Variants in FASN observed in about 807,000 individuals in gnomAD.
The protein encoded by FASN is 3-hydroxyacyl-[acyl-carrier-protein] dehydratase.
A neutral mutation model predicts 250.0 loss-of-function variants in FASN; 50 were observed. The ratio of observed to expected loss-of-function variants is 0.20; its 90% confidence interval spans 0.16 to 0.25. The LOEUF is 0.25. Ranked by LOEUF, FASN falls within the 10% of genes least tolerant of loss-of-function variation. The pLI, the probability that FASN is intolerant of heterozygous loss-of-function variation, is 1.00. For synonymous variants in FASN, 1,909 were observed against 1,584.0 expected (o/e 1.21, Z -4.87); for missense variants, 3,031 against 3,498.5 (o/e 0.87, Z 3.37).
Position 82,088,538 on chromosome 17 carries a change from C to T in FASN, c.2445G>A (p.Leu815=). 8.7e-6 allele frequency: 14 copies of T among 1,607,020 alleles called. No individual in the cohort carries two copies. Among genetic ancestry groups the T allele is most frequent in the Non-Finnish European group, 1.2e-5 (14 of 1,176,028 alleles). ...GAGCTGGGAACTCCACAGGTGGGAA[C>T]AAGGCATTGGGGTTGGCGTCGATGC... ...LSGIDANPNA[L]FPPVEFPAPR... is the part of the protein sequence containing the mutation. Residue 815 remains leucine, a synonymous_variant, in exon 16 of 43, where the codon TTG becomes TTA. Coordinates refer to ENST00000306749, the MANE Select transcript of FASN (RefSeq NM_004104.5).
chr17:82,090,753 C>T, intron 10 of FASN, 129 bp downstream of exon 10: 1 of 1,187,588 alleles, frequency 8.4e-7, no homozygotes, highest in African/African-American at 1.5e-5. Context: ...CGTCCTGCCC[C>T]CAGCACAAGG....
rs1380789811 is a variant in FASN at position 82,088,785 on chromosome 17, C to A, written c.2396G>T (p.Gly799Val). 1.2e-6 allele frequency: 2 copies of A among 1,612,252 alleles called. No homozygotes were observed. Among genetic ancestry groups the A allele is most frequent in the Non-Finnish European group, 1.7e-6 (2 of 1,179,630 alleles). The stretch of plus-strand genomic sequence containing the variant: ...CCCTGAGAGGTGCAGCCTGCCGATG[C>A]CGGCCAGGAAGAACTCCAGGTTGTC... Reference protein sequence around the residue: ...HRDNLEFFLAGIGRLHLSGID... With the variant: ...HRDNLEFFLAVIGRLHLSGID... Residue 799 changes from glycine (G) to valine (V), a missense_variant, in exon 15 of 43, where the codon GGC (glycine) becomes GTC (valine). Coordinates refer to ENST00000306749, the MANE Select transcript of FASN (RefSeq NM_004104.5).
chr17:82,087,439 A>C lies in FASN; in HGVS notation c.3109T>G (p.Ser1037Ala). ...CCGTGCTTGGCCGAGCCCAGGATGG[A>C]CATCTGCAGCATGGTGTCCATGAAG... is the stretch of plus-strand genomic sequence containing the variant. ...VSFMDTMLQMSILGSAKHGLY... is the reference protein window; with the variant it reads ...VSFMDTMLQMAILGSAKHGLY... Residue 1037 changes from serine to alanine, a missense_variant, in exon 20 of 43, where the codon TCC becomes GCC. Ser to Ala is a moderately conservative substitution (Grantham distance 99). Transcript: ENST00000306749. 1.2e-6 allele frequency: 2 copies of C among 1,612,650 alleles called. No homozygotes were observed. Among genetic ancestry groups the C allele is most frequent in the Non-Finnish European group, 1.7e-6 (2 of 1,179,982 alleles).
chr17:82,080,637 G>A lies in FASN; in HGVS notation c.6827-47C>T, dbSNP rs770335065. 25 of 1,551,806 alleles carry A rather than the reference G, an allele frequency of 1.6e-5. No homozygotes were observed. In the Admixed American group the frequency reaches 3.5e-4, roughly 22 times the overall value. ...CTCAGCATGTGCAGGCGGCAGCCAC[G>A]GGCCCCGTGATGGCCAGCACTGACC... On this transcript the variant is annotated intron_variant, in intron 39 of 42. Transcript: ENST00000306749.
Position 82,081,861 on chromosome 17 carries a change from G to A in FASN, c.6164-18C>T. The A allele has an allele frequency of 1.9e-6, 3 of 1,590,904 alleles. No individual in the cohort carries two copies. The highest frequency in any genetic ancestry group is 2.6e-6 in the Non-Finnish European group (3 of 1,172,602). ...GGCCAGGCCTGTGGGGGAGGGGGCA[G>A]GTGGGCAGAGCTGCGGGGAGGTCGG... On this transcript the variant is annotated intron_variant, in intron 36 of 42. Coordinates refer to ENST00000306749, the MANE Select transcript of FASN (RefSeq NM_004104.5).
rs756471902 is a variant in FASN, at chr17:82,088,449, G to A, written c.2534C>T (p.Pro845Leu). Residue 845 changes from proline (P) to leucine (L), a missense_variant, in exon 16 of 43, where the codon CCG becomes CTG. Physicochemically the swap from Pro to Leu is moderately conservative, Grantham distance 98. Coordinates refer to ENST00000306749, the MANE Select transcript of FASN (RefSeq NM_004104.5). ...ACCGTTGGGGAAGTCCTCGGCGGCCGGCACGTCCCAGGCCAGGCTGTGGTC... is the reference window on the plus strand; with the variant it reads ...ACCGTTGGGGAAGTCCTCGGCGGCCAGCACGTCCCAGGCCAGGCTGTGGTC... ...KWDHSLAWDV[P>L]AAEDFPNGSG... The A allele has an allele frequency of 4.3e-6, 7 of 1,611,728 alleles. No homozygotes were observed. The highest frequency in any genetic ancestry group is 4.2e-6 in the Non-Finnish European group (5 of 1,179,190).
Position 82,085,621 on chromosome 17 carries a change from G to A in FASN, c.3983C>T (p.Ala1328Val), listed in dbSNP as rs771296327. The A allele has an allele frequency of 3.1e-6, 5 of 1,599,108 alleles. No homozygotes were observed. The highest frequency in any genetic ancestry group is 1.3e-5 in the African/African-American group (1 of 74,566). The change falls in exon 23 of 43, where the codon GCT becomes GTT. Residue 1328 changes from alanine to valine, a missense_variant. Physicochemically the swap from Ala to Val is moderately conservative, Grantham distance 64. Coordinates refer to ENST00000306749, the MANE Select transcript of FASN (RefSeq NM_004104.5). ...AVAALGDPASALSNMVAALRE... is the reference protein window; with the variant it reads ...AVAALGDPASVLSNMVAALRE... Reference sequence around the variant, plus strand: ...CAGGGCAGCCACCATGTTGCTGAGAGCTGAGGCCGGGTCCCCGAGGGCAGC... The same window carrying A: ...CAGGGCAGCCACCATGTTGCTGAGAACTGAGGCCGGGTCCCCGAGGGCAGC...
rs985222187 is a variant in FASN at position 82,087,867 on chromosome 17, G to A, written c.2867-6C>T. ...ATCCCACTGGTACACCTTCCCTGTG[G>A]AAAGGGAGGTGCGGAAGGGCCTGAG... On this transcript the variant is annotated splice_polypyrimidine_tract_variant and splice_region_variant and intron_variant, in intron 18 of 42. Transcript: ENST00000306749. The A allele has an allele frequency of 6.2e-7, 1 of 1,612,624 alleles. No homozygotes were observed. Among genetic ancestry groups the A allele is most frequent in the Non-Finnish European group, 8.5e-7 (1 of 1,179,890 alleles).
intron 1 of FASN, chr17:82,096,812 T>A: frequency 2.8e-6 from 1 of 359,190 alleles, no homozygotes; most frequent in South Asian, 2.3e-5. Flanking sequence ...CCAAGGCTCC[T>A]GGAGCTTGTC....
rs369516022 is a variant in FASN, at chr17:82,079,353, G to A, written c.7398+4C>T. ...TCCCCGTTCCCGTCAGGCCCCTTGC[G>A]CACCTGGGAGAGGTTGTAGTCCGCG... On this transcript the variant is annotated splice_donor_region_variant and intron_variant, in intron 42 of 42. Transcript: ENST00000306749. 3.3e-4 allele frequency: 526 copies of A among 1,612,990 alleles called. 2 individuals carry two copies. Among genetic ancestry groups the A allele is most frequent in the African/African-American group, 2.6e-3 (198 of 75,068 alleles).
rs1436945438 is a variant in FASN, at chr17:82,083,394, G to C, written c.5373C>G (p.Phe1791Leu). The change falls in exon 32 of 43, where the codon TTC (phenylalanine) becomes TTG (leucine). Residue 1791 changes from phenylalanine to leucine, a missense_variant. By Grantham distance (22) the Phe-to-Leu change is conservative. Coordinates refer to ENST00000306749, the MANE Select transcript of FASN (RefSeq NM_004104.5). Reference sequence around the variant, plus strand: ...AGAACGCATCCAGTAGGACCCCGTGGAATGTCACGTTCTTCAGGAAGATAG... The same window carrying C: ...AGAACGCATCCAGTAGGACCCCGTGCAATGTCACGTTCTTCAGGAAGATAG... ...GMAIFLKNVT[F>L]HGVLLDAFFN... The C allele has an allele frequency of 3.7e-6, 6 of 1,612,812 alleles. No individual in the cohort carries two copies. The highest frequency in any genetic ancestry group is 5.1e-6 in the Non-Finnish European group (6 of 1,180,012).
intron 2 of FASN, 152 bp downstream of exon 2, chr17:82,096,167 C>T (rs995350114): frequency 3.1e-5 from 39 of 1,261,722 alleles, no homozygotes; most frequent in African/African-American, 1.5e-4. Context: ...AGCTAGGCCT[C>T]GCCCATGGGT....
At position 82,081,344 on chromosome 17, in the gene FASN, C is replaced by G; in HGVS notation, c.6415G>C (p.Asp2139His). Residue 2139 changes from aspartate (D) to histidine (H), a missense_variant, in exon 38 of 43, where the codon GAC (aspartate) becomes CAC (histidine). Asp to His is a moderately conservative substitution (Grantham distance 81). Coordinates refer to ENST00000306749, the MANE Select transcript of FASN (RefSeq NM_004104.5). ...EAVAHILGIRDLAAVNLDSSL... is the reference protein window; with the variant it reads ...EAVAHILGIRHLAAVNLDSSL... ...CTGTCCAGGTTGACAGCAGCCAAGT[C>G]GCGGATGCCTGGAAGGGATGCGCCG... The G allele has an allele frequency of 1.9e-6, 3 of 1,558,736 alleles. No individual in the cohort carries two copies. The highest frequency in any genetic ancestry group is 2.6e-6 in the Non-Finnish European group (3 of 1,152,144).
rs1006692420 is a variant in FASN, at chr17:82,084,147, C to T, written c.4926G>A (p.Leu1642=). 4 of 1,598,080 alleles carry T rather than the reference C, an allele frequency of 2.5e-6. 1 individual carries two copies. The Middle Eastern group carries it at 5.0e-4, about 198-fold the overall frequency. ...FLWDVPSNWT[L]EEAASVPVVY... is the part of the protein sequence containing the mutation. ...CGACAGGCACCGAGGCCGCCTCCTC[C>T]AGCGTCCTGGGGATGCAGCAGGTGG... is the stretch of plus-strand genomic sequence containing the variant. The change falls in exon 29 of 43, where the codon CTG becomes CTA. Residue 1642 remains leucine (L), a synonymous_variant. Coordinates refer to ENST00000306749, the MANE Select transcript of FASN (RefSeq NM_004104.5).
rs971355668 is a variant in FASN at position 82,083,616 on chromosome 17, A to G, written c.5242T>C (p.Leu1748=). ...CTGGCCTGCAGCTTCTCTTCCGCCA[A>G]GGAGTTCAAGACCAGGTCAACGCCT... ...GKGVDLVLNS[L]AEEKLQASVR... The change falls in exon 31 of 43, where the codon TTG becomes CTG. Residue 1748 remains leucine, a synonymous_variant. Transcript: ENST00000306749. 2.5e-6 allele frequency: 4 copies of G among 1,610,762 alleles called. No homozygotes were observed. Among genetic ancestry groups the G allele is most frequent in the East Asian group, 2.2e-5 (1 of 44,820 alleles).
chr17:82,083,247 G>A lies in FASN; in HGVS notation c.5520C>T (p.Phe1840=). The A allele has an allele frequency of 6.2e-7, 1 of 1,612,764 alleles. No homozygotes were observed. Among genetic ancestry groups the A allele is most frequent in the South Asian group, 1.1e-5 (1 of 91,088 alleles). The change falls in exon 32 of 43, where the codon TTC becomes TTT. Residue 1840 remains phenylalanine, a synonymous_variant. Transcript: ENST00000306749. ...VFHGAQVEDA[F]RYMAQGKHIG... ...TGTGCTTCCCTTGGGCCATGTAGCG[G>A]AAGGCGTCCTCCACCTGGGCCCCAT...
chr17:82,094,911 C>T (rs1334185817), intron 3 of FASN, among the ~76,000 whole-genome samples: 6 of 58,880 alleles, frequency 1.0e-4, no homozygotes, highest in African/African-American at 1.9e-4. Flanking sequence ...GGTGGGGGGA[C>T]GTGGGCAAGG....
chr17:82,085,238 C>T lies in FASN; in HGVS notation c.4287G>A (p.Lys1429=). 6.2e-7 allele frequency: 1 copy of T among 1,611,922 alleles called. No individual in the cohort carries two copies. Among genetic ancestry groups the T allele is most frequent in the Non-Finnish European group, 8.5e-7 (1 of 1,179,576 alleles). ...DTSFRWVESL[K]GILADEDSSR... Reference sequence around the variant, plus strand: ...GCCTGGAGGTGGGGCAGGGCCTGACCTTCAGAGACTCCACCCAGCGGAAGC... The same window carrying T: ...GCCTGGAGGTGGGGCAGGGCCTGACTTTCAGAGACTCCACCCAGCGGAAGC... Residue 1429 remains lysine (K), a splice_region_variant and synonymous_variant, in exon 24 of 43, where the codon AAG becomes AAA. Transcript: ENST00000306749.
chr17:82,096,607 C>T (rs2034308559), intron 1 of FASN, among the ~76,000 whole-genome samples, 155 bp from the exon 2 acceptor site: 1 of 152,210 alleles, frequency 6.6e-6, no homozygotes, highest in Non-Finnish European at 1.5e-5. Flanking sequence ...CCTCATGTGG[C>T]CAGTTCCTGG....
Sources: allele counts gnomAD v4.1 joint callset (sites outside exome capture counted in the v4.1 genomes callset), GRCh38; gene constraint gnomAD v4.1.1; transcripts MANE v1.5; gene names NCBI Gene and HGNC (gene_info 2026-07-23, HGNC 2026-07-21).